GALNTL6: variants seen among roughly 807,000 people sequenced by gnomAD.
The protein encoded by GALNTL6 is polypeptide N-acetylgalactosaminyltransferase like 6, also known as polypeptide N-acetylgalactosaminyltransferase-like 6.
A neutral mutation model predicts 73.7 loss-of-function variants in GALNTL6; 46 were observed. That is an observed-to-expected ratio of 0.62 (90% CI 0.49 to 0.80). The LOEUF (loss-of-function observed/expected upper bound fraction) is 0.80, where lower values mean the gene tolerates loss of function less well. GALNTL6 is among the 30% of genes least tolerant of loss of function. The pLI, the probability that GALNTL6 is intolerant of heterozygous loss-of-function variation, is 0.00. For synonymous variants in GALNTL6, 259 were observed against 263.7 expected, an observed-to-expected ratio of 0.98 and a Z score of 0.17; for missense variants, 604 against 755.0, an observed-to-expected ratio of 0.80 and a Z score of 2.34.
At chr4:172,147,173 T>C (rs1404086919) in intron 2 of GALNTL6, among the ~76,000 whole-genome samples, 1 of 152,230 alleles carries the variant, frequency 6.6e-6, no homozygotes, top group East Asian at 1.9e-4. Flanking sequence ...AGCCTACCTT[T>C]CTGAATATAA....
At chr4:172,281,113 G>C (rs1334530516) in intron 3 of GALNTL6, among the ~76,000 whole-genome samples, 1 of 151,880 alleles carries the variant, frequency 6.6e-6, no homozygotes. Context: ...AGCTTGCAAT[G>C]AACCGAGATC....
chr4:172,469,162 A>G (rs556085473), intron 5 of GALNTL6, among the ~76,000 whole-genome samples: 15 of 152,302 alleles, frequency 9.8e-5, no homozygotes, highest in African/African-American at 2.6e-4. Flanking sequence ...TCATGAGAAG[A>G]TTAAAGGGTA....
At chr4:172,859,805 T>C (rs1744303407) in intron 7 of GALNTL6, among the ~76,000 whole-genome samples, 2 of 152,168 alleles carry the variant, frequency 1.3e-5, no homozygotes. Context: ...CATAGGAGTG[T>C]GAACCCTATT....
chr4:172,212,948 G>A (rs930715022), intron 2 of GALNTL6, among the ~76,000 whole-genome samples: 1 of 152,168 alleles, frequency 6.6e-6, no homozygotes, highest in Non-Finnish European at 1.5e-5. Flanking sequence ...TGGGATTACA[G>A]GCGTGAGCCA....
chr4:172,989,612 T>A (rs759583691), intron 10 of GALNTL6, among the ~76,000 whole-genome samples: 1 of 152,062 alleles, frequency 6.6e-6, no homozygotes, highest in Non-Finnish European at 1.5e-5. Flanking sequence ...AATGAGTGAG[T>A]TATCATGAGA....
intron 11 of GALNTL6, among the ~76,000 whole-genome samples, chr4:173,014,737 A>G (rs1463042831): frequency 6.6e-6 from 1 of 152,202 alleles, no homozygotes; most frequent in East Asian, 1.9e-4. Context: ...CTGCTGTCTC[A>G]AGTCAGGTAG....
chr4:172,208,169 T>C (rs1341840162), intron 2 of GALNTL6, among the ~76,000 whole-genome samples: 1 of 152,170 alleles, frequency 6.6e-6, no homozygotes, highest in Admixed American at 6.5e-5. Flanking sequence ...ATGCTGGAAG[T>C]TGAGCTGTCG....
intron 7 of GALNTL6, among the ~76,000 whole-genome samples, chr4:172,861,285 T>A (rs1744377710): frequency 6.6e-6 from 1 of 151,654 alleles, no homozygotes; most frequent in Non-Finnish European, 1.5e-5. Context: ...AACTTTGCTG[T>A]GTAAGGGTGT....
intron 2 of GALNTL6, among the ~76,000 whole-genome samples, chr4:171,989,935 A>G (rs1360201059): frequency 1.3e-5 from 2 of 152,152 alleles, no homozygotes; most frequent in Non-Finnish European, 2.9e-5. Flanking sequence ...AACCTTGACT[A>G]TGCCTTTAGC....
At chr4:172,450,230 A>G (rs1579082320) in intron 5 of GALNTL6, among the ~76,000 whole-genome samples, 2 of 150,338 alleles carry the variant, frequency 1.3e-5, no homozygotes, top group Admixed American at 1.3e-4. Context: ...AAAAAAAAAA[A>G]CAAACAAACT....
At chr4:171,864,549 G>A (rs145106116) in intron 2 of GALNTL6, among the ~76,000 whole-genome samples, 3 of 152,266 alleles carry the variant, frequency 2.0e-5, no homozygotes, top group East Asian at 3.9e-4. Flanking sequence ...TTTCCTGATA[G>A]TCATACCACA....
chr4:171,904,309 G>A (rs897880786), intron 2 of GALNTL6, among the ~76,000 whole-genome samples: 2 of 152,110 alleles, frequency 1.3e-5, no homozygotes, highest in African/African-American at 4.8e-5. Flanking sequence ...AGGAGCTGAT[G>A]GAGCTGAAAA....
intron 10 of GALNTL6, among the ~76,000 whole-genome samples, chr4:172,988,020 C>A (rs1012260004): frequency 2.0e-5 from 3 of 152,096 alleles, no homozygotes; most frequent in Admixed American, 2.0e-4. Context: ...GGGAGTGGGG[C>A]ATTGCTATAA....
At chr4:172,966,719 A>T (rs1474872312) in intron 10 of GALNTL6, among the ~76,000 whole-genome samples, 1 of 152,188 alleles carries the variant, frequency 6.6e-6, no homozygotes, top group Non-Finnish European at 1.5e-5. Flanking sequence ...GACTAATGCC[A>T]GTATGCATTA....
intron 2 of GALNTL6, among the ~76,000 whole-genome samples, chr4:172,081,168 C>G (rs758217205): frequency 6.6e-6 from 1 of 152,300 alleles, no homozygotes; most frequent in East Asian, 1.9e-4. Context: ...AAGCTAGAAC[C>G]GAGCCCTCAA....
chr4:171,970,468 G>A (rs1276895885), intron 2 of GALNTL6, among the ~76,000 whole-genome samples: 1 of 152,208 alleles, frequency 6.6e-6, no homozygotes, highest in East Asian at 1.9e-4. Context: ...AAATCTGGAT[G>A]CTATGGACAT....
intron 7 of GALNTL6, among the ~76,000 whole-genome samples, chr4:172,854,853 T>C (rs1030359446): frequency 4.6e-5 from 7 of 152,226 alleles, no homozygotes; most frequent in Non-Finnish European, 8.8e-5. Context: ...GAAGTACTTC[T>C]ATCATGTTTT....
At chr4:172,470,164 G>A (rs755767929) in intron 5 of GALNTL6, among the ~76,000 whole-genome samples, 41 of 152,150 alleles carry the variant, frequency 2.7e-4, no homozygotes, top group Non-Finnish European at 4.6e-4. Context: ...CAGGCAATAT[G>A]TTAAGTATAT....
chr4:172,962,455 C>G lies in GALNTL6; in HGVS notation c.1371+10197C>G, dbSNP rs1750128356. On this transcript the variant is annotated intron_variant, in intron 10 of 12. Coordinates refer to ENST00000506823, the MANE Select transcript of GALNTL6 (RefSeq NM_001034845.3). The stretch of plus-strand genomic sequence containing the variant: ...TCTGTTCCAGGATCCAATCCAGTAT[C>G]TGAAAGAGCTTTTTAGTTTCCTATA... 3.3e-5 allele frequency among the ~76,000 whole-genome samples: 5 copies of G among 152,164 alleles called. No homozygotes were observed. In the South Asian group the frequency reaches 1.0e-3, roughly 32 times the overall value.
Sources: allele counts gnomAD v4.1 joint callset (sites outside exome capture counted in the v4.1 genomes callset), GRCh38; gene constraint gnomAD v4.1.1; transcripts MANE v1.5; gene names NCBI Gene and HGNC (gene_info 2026-07-23, HGNC 2026-07-21).